Variants in UNC13C observed in about 807,000 individuals in gnomAD.
UNC13C encodes protein unc-13 homolog C.
A neutral mutation model predicts 245.4 loss-of-function variants in UNC13C; 174 were observed. The observed-to-expected ratio is 0.71, with a 90% confidence interval of 0.63 to 0.80. The LOEUF is 0.80. UNC13C is among the 30% of genes least tolerant of loss of function. The pLI is 0.00. For missense variants in UNC13C, 2,829 were observed against 2,602.9 expected, an observed-to-expected ratio of 1.09 and a Z score of -1.89; for synonymous variants, 992 against 895.1, an observed-to-expected ratio of 1.11 and a Z score of -1.93.
intron 18 of UNC13C, among the ~76,000 whole-genome samples, chr15:54,412,798 A>T (rs2040442393): frequency 6.6e-6 from 1 of 152,124 alleles, no homozygotes; most frequent in Non-Finnish European, 1.5e-5. Flanking sequence ...CTTGCATTTT[A>T]ACAGAATTTA....
intron 4 of UNC13C, among the ~76,000 whole-genome samples, chr15:54,221,749 C>T (rs1236256398): frequency 1.3e-5 from 2 of 151,932 alleles, no homozygotes; most frequent in Non-Finnish European, 2.9e-5. Context: ...TTCTCAGACC[C>T]ACAGTCTTCA....
intron 10 of UNC13C, among the ~76,000 whole-genome samples, chr15:54,290,557 G>A (rs1011995837): frequency 6.6e-6 from 1 of 152,002 alleles, no homozygotes; most frequent in Non-Finnish European, 1.5e-5. Context: ...AATTTGGAAA[G>A]AAAGATAATA....
At chr15:54,181,888 T>A (rs1190516333) in intron 4 of UNC13C, among the ~76,000 whole-genome samples, 1 of 152,066 alleles carries the variant, frequency 6.6e-6, no homozygotes, top group Non-Finnish European at 1.5e-5. Context: ...TGACTTTGTA[T>A]CCTGAAACTG....
intron 25 of UNC13C, among the ~76,000 whole-genome samples, chr15:54,531,766 A>G (rs1415757710): frequency 6.6e-6 from 1 of 152,108 alleles, no homozygotes; most frequent in Non-Finnish European, 1.5e-5. Flanking sequence ...TCTCAGCAAA[A>G]TCTAACTTTA....
chr15:54,364,457 G>A (rs1408932168), intron 17 of UNC13C, among the ~76,000 whole-genome samples: 1 of 152,128 alleles, frequency 6.6e-6, no homozygotes, highest in Non-Finnish European at 1.5e-5. Context: ...CCAAATCAAT[G>A]CTCGTTTTTC....
At chr15:54,195,195 G>A (rs1313494705) in intron 4 of UNC13C, among the ~76,000 whole-genome samples, 1 of 151,958 alleles carries the variant, frequency 6.6e-6, no homozygotes, top group Non-Finnish European at 1.5e-5. Flanking sequence ...TTATTCTCCA[G>A]CTGTACCATA....
intron 30 of UNC13C, among the ~76,000 whole-genome samples, chr15:54,608,403 A>T (rs1005438412): frequency 2.0e-5 from 3 of 152,240 alleles, no homozygotes; most frequent in African/African-American, 7.2e-5. Context: ...CCCAGAGCAC[A>T]GGTATGTGGT....
At chr15:54,268,167 G>C (rs1203331255) in intron 10 of UNC13C, among the ~76,000 whole-genome samples, 1 of 147,134 alleles carries the variant, frequency 6.8e-6, no homozygotes, top group Non-Finnish European at 1.5e-5. Flanking sequence ...TTTTTCTTCT[G>C]TATTTCACTT....
At chr15:54,553,469 A>G (rs893627827) in intron 28 of UNC13C, among the ~76,000 whole-genome samples, 5 of 138,922 alleles carry the variant, frequency 3.6e-5, no homozygotes, top group African/African-American at 1.3e-4. Flanking sequence ...TATATTACAG[A>G]AAACATTTAT....
intron 17 of UNC13C, among the ~76,000 whole-genome samples, chr15:54,345,662 T>G (rs890261179): frequency 1.3e-5 from 2 of 152,338 alleles, no homozygotes. Flanking sequence ...TTATTTTGAC[T>G]AATAGAACTT....
intron 2 of UNC13C, among the ~76,000 whole-genome samples, chr15:54,124,937 A>G (rs1039971262): frequency 6.6e-6 from 1 of 152,194 alleles, no homozygotes; most frequent in African/African-American, 2.4e-5. Context: ...AAAAAAAATC[A>G]GTTGACCAGA....
the UNC13C span, among the ~76,000 whole-genome samples, chr15:53,901,536 T>C: frequency 6.6e-6 from 1 of 152,300 alleles, no homozygotes; most frequent in East Asian, 1.9e-4. Context: ...GATAGATCTC[T>C]ATTACTTGGA....
intron 25 of UNC13C, among the ~76,000 whole-genome samples, chr15:54,528,329 T>C (rs1895576286): frequency 6.6e-6 from 1 of 151,622 alleles, no homozygotes; most frequent in African/African-American, 2.4e-5. Flanking sequence ...TTTTTTTTTT[T>C]TTTTCTTATT....
intron 30 of UNC13C, among the ~76,000 whole-genome samples, chr15:54,583,300 A>AT (rs926391613): frequency 2.6e-5 from 4 of 151,970 alleles, no homozygotes; most frequent in Admixed American, 2.6e-4. Context: ...AATGAAAACT[A>AT]TTTTTTTTCC....
intron 29 of UNC13C, among the ~76,000 whole-genome samples, chr15:54,567,396 G>A (rs561595507): frequency 3.3e-5 from 5 of 152,118 alleles, no homozygotes; most frequent in Admixed American, 6.5e-5. Context: ...ATATGTGGCC[G>A]GAAGCTACCT....
chr15:54,220,770 A>G (rs1382599311), intron 4 of UNC13C, among the ~76,000 whole-genome samples: 1 of 151,786 alleles, frequency 6.6e-6, no homozygotes, highest in Non-Finnish European at 1.5e-5. Flanking sequence ...GCATTGCTAA[A>G]CAACTGCAAT....
intron 10 of UNC13C, among the ~76,000 whole-genome samples, chr15:54,282,725 C>T (rs1488050168): frequency 6.6e-6 from 1 of 152,098 alleles, no homozygotes; most frequent in Non-Finnish European, 1.5e-5. Flanking sequence ...AAGCTCTTGT[C>T]TGGTGTCCAA....
chr15:54,220,367 G>A (rs1421935937), intron 4 of UNC13C, among the ~76,000 whole-genome samples: 10 of 145,528 alleles, frequency 6.9e-5, no homozygotes, highest in African/African-American at 2.1e-4. Flanking sequence ...AACAGCGCAT[G>A]TTCTCACTCA....
At chr15:54,184,007 A>G (rs759716935) in intron 4 of UNC13C, among the ~76,000 whole-genome samples, 4 of 152,134 alleles carry the variant, frequency 2.6e-5, no homozygotes, top group Non-Finnish European at 4.4e-5. Flanking sequence ...CACTTTTAAA[A>G]AGTACAAAAA....
Sources: gnomAD v4.1 joint callset for allele counts (sites outside exome capture counted in the v4.1 genomes callset) on GRCh38, gnomAD v4.1.1 for gene constraint, MANE v1.5 for transcripts, NCBI Gene and HGNC (gene_info 2026-07-23, HGNC 2026-07-21) for gene names.